Variants in VASH2 observed in about 807,000 individuals in gnomAD.
The protein encoded by VASH2 is vasohibin 2, also known as tubulinyl-Tyr carboxypeptidase 2.
VASH2 carries 28 observed loss-of-function variants against 37.2 expected under a neutral mutation model. The observed-to-expected ratio is 0.75, with a 90% CI of 0.56 to 1.03. The LOEUF (loss-of-function observed/expected upper bound fraction) is 1.03. VASH2 is among the 50% of genes least tolerant of loss of function. The pLI, the probability that VASH2 is intolerant of heterozygous loss-of-function variation, is 0.00. For synonymous variants in VASH2, 188 were observed against 174.7 expected (o/e 1.08, Z -0.60); for missense variants, 419 against 459.1 (o/e 0.91, Z 0.80).
chr1:212,957,580 T>C (rs907753705), intron 2 of VASH2, among the ~76,000 whole-genome samples: 1 of 151,840 alleles, frequency 6.6e-6, no homozygotes, highest in Non-Finnish European at 1.5e-5. Context: ...CCTAGACCCC[T>C]GACAATATAT....
chr1:212,961,863 G>C (rs185045997), intron 3 of VASH2, among the ~76,000 whole-genome samples: 1 of 152,246 alleles, frequency 6.6e-6, no homozygotes, highest in Non-Finnish European at 1.5e-5. Flanking sequence ...GCCTCCCAAA[G>C]TGCTGGGATT....
Position 212,951,750 on chromosome 1 carries a change from G to C in VASH2, c.208G>C (p.Val70Leu), listed in dbSNP as rs776000020. ...CACCTGGGAGCGCATGTGGATGCAC[G>C]TGGCCAAGGTGCACCCTAAGGGGGG... ...SHTWERMWMH[V>L]AKVHPKGGEM... Residue 70 changes from valine to leucine, a missense_variant, in exon 2 of 8, where the codon GTG becomes CTG. Transcript: ENST00000517399. This position sits in a 1 kb window ranked among gnomAD's most constrained non-coding sequence, Gnocchi z 4.4. 6.8e-6 allele frequency: 11 copies of C among 1,608,162 alleles called. No homozygotes were observed. In the Admixed American group the frequency reaches 1.9e-4, roughly 27 times the overall value.
At chr1:212,984,142 T>C (rs1667410545) in intron 7 of VASH2, among the ~76,000 whole-genome samples, 1 of 152,204 alleles carries the variant, frequency 6.6e-6, no homozygotes, top group Non-Finnish European at 1.5e-5. Context: ...ATGGGAAAAC[T>C]GGTGCAAGTG....
chr1:212,962,719 T>C (rs1444369554), intron 3 of VASH2, among the ~76,000 whole-genome samples: 1 of 152,192 alleles, frequency 6.6e-6, no homozygotes, highest in Non-Finnish European at 1.5e-5. Context: ...ATCTTTCCAG[T>C]AAAATCCTAA....
chr1:212,957,557 C>G (rs1296349133), intron 2 of VASH2, among the ~76,000 whole-genome samples: 1 of 151,808 alleles, frequency 6.6e-6, no homozygotes, highest in Non-Finnish European at 1.5e-5. Context: ...AGGGATCATT[C>G]AGGTTTCCCC....
At chr1:212,976,656 G>GA (rs1222451852) in intron 7 of VASH2, among the ~76,000 whole-genome samples, 1 of 152,216 alleles carries the variant, frequency 6.6e-6, no homozygotes, top group African/African-American at 2.4e-5. Flanking sequence ...GTCAGAGAGG[G>GA]AGAGGATGGA....
intron 7 of VASH2, among the ~76,000 whole-genome samples, chr1:212,987,079 C>G (rs529382061): frequency 6.6e-6 from 1 of 152,026 alleles, no homozygotes; most frequent in African/African-American, 2.4e-5. Flanking sequence ...GAATTGCTGG[C>G]AGAGATTAAT....
intron 2 of VASH2, chr1:212,952,925 A>C (rs575496997): frequency 6.6e-6 from 1 of 152,190 alleles, no homozygotes. Context: ...ACAGTGTTCT[A>C]TTACTCTGCT....
chr1:212,978,214 C>T (rs1467117091), intron 7 of VASH2, among the ~76,000 whole-genome samples: 3 of 152,214 alleles, frequency 2.0e-5, no homozygotes, highest in African/African-American at 7.2e-5. Context: ...AGGCCATGCC[C>T]ATACGCTAAT....
In VASH2 at chr1:212,961,252, A is replaced by G. The variant is rs1435014218; in HGVS notation, c.363A>G (p.Leu121=). The change falls in exon 3 of 8, where the codon CTA becomes CTG. Residue 121 remains leucine, a splice_region_variant and synonymous_variant. Transcript: ENST00000517399. ...LQAIQNYMKT[L]QYNHTGTQFF... is the part of the protein sequence containing the mutation. ...CGATCCAGAATTACATGAAGACCCT[A>G]CAGTATCCTTCCAACCAAGGTCTGA... 2 of 1,614,058 alleles carry G rather than the reference A, an allele frequency of 1.2e-6. No homozygotes were observed. Among genetic ancestry groups the G allele is most frequent in the Non-Finnish European group, 1.7e-6 (2 of 1,180,038 alleles).
intron 5 of VASH2, chr1:212,967,727 TGGGAATGGATTTCA>T (rs1165018776): frequency 6.4e-6 from 1 of 156,734 alleles, no homozygotes; most frequent in Non-Finnish European, 1.4e-5. Context: ...GCCCTGGGGA[TGGGAATGGATTTCA>T]GGGAATGGTT....
intron 2 of VASH2, among the ~76,000 whole-genome samples, chr1:212,958,848 A>G (rs1666576765): frequency 6.6e-6 from 1 of 151,704 alleles, no homozygotes; most frequent in Non-Finnish European, 1.5e-5. Context: ...TGAGTAGCTG[A>G]AACTACAGGC....
At chr1:212,968,511 C>G (rs1347488677) in intron 5 of VASH2, 1 of 985,310 alleles carries the variant, frequency 1.0e-6, no homozygotes, top group South Asian at 4.7e-5. Flanking sequence ...ACTTGCAGCC[C>G]TGATCTGAAA....
At chr1:212,985,829 G>T (rs144068348) in intron 7 of VASH2, among the ~76,000 whole-genome samples, 13 of 152,312 alleles carry the variant, frequency 8.5e-5, no homozygotes, top group Admixed American at 7.8e-4. Context: ...TTTTGAAGAC[G>T]TGTCCTACTA....
intron 2 of VASH2, among the ~76,000 whole-genome samples, chr1:212,955,432 C>T (rs1370847362): frequency 2.6e-5 from 4 of 152,026 alleles, no homozygotes; most frequent in African/African-American, 4.8e-5. Flanking sequence ...TAGCAGTTGA[C>T]GAGGTCAAAG....
At chr1:212,987,031 CAG>C (rs10601750) in intron 7 of VASH2, among the ~76,000 whole-genome samples, 423 of 147,352 alleles carry the variant, frequency 2.9e-3, no homozygotes, top group Middle Eastern at 7.0e-3. Context: ...CTTCCCATTT[CAG>C]AGAGAGAGAG....
At chr1:212,964,316 G>A (rs868722291) in intron 3 of VASH2, among the ~76,000 whole-genome samples, 6 of 152,224 alleles carry the variant, frequency 3.9e-5, no homozygotes. Flanking sequence ...GGATCGAAGT[G>A]CCGCTAGGCG....
chr1:212,981,136 CTG>C (rs755371327), intron 7 of VASH2, among the ~76,000 whole-genome samples: 6 of 152,250 alleles, frequency 3.9e-5, no homozygotes, highest in Non-Finnish European at 7.3e-5. Context: ...AGCCTGGAAA[CTG>C]TGCCCTGGAA....
chr1:212,981,721 T>C (rs34874166), intron 7 of VASH2, among the ~76,000 whole-genome samples: 2 of 152,232 alleles, frequency 1.3e-5, no homozygotes, highest in African/African-American at 4.8e-5. Context: ...CCGGCACACG[T>C]ACCCAGACAT....
Sources: allele counts gnomAD v4.1 joint callset (sites outside exome capture counted in the v4.1 genomes callset), GRCh38; gene constraint gnomAD v4.1.1; non-coding constraint Gnocchi (gnomAD v3.1); transcripts MANE v1.5; gene names NCBI Gene and HGNC (gene_info 2026-07-23, HGNC 2026-07-21).